Variants in TBXAS1 observed in about 807,000 individuals in gnomAD.
TBXAS1 encodes thromboxane A synthase 1.
A neutral mutation model predicts 60.7 loss-of-function variants in TBXAS1; 48 were observed. The ratio of observed to expected loss-of-function variants is 0.79; its 90% CI spans 0.63 to 1.01. The LOEUF (loss-of-function observed/expected upper bound fraction) is 1.01, where lower values mean the gene tolerates loss of function less well. TBXAS1 is among the 50% of genes least tolerant of loss of function. TBXAS1 has a pLI of 0.00. For missense variants in TBXAS1, 685 were observed against 686.3 expected, an observed-to-expected ratio of 1.00 and a Z score of 0.02; for synonymous variants, 287 against 269.7, an observed-to-expected ratio of 1.06 and a Z score of -0.63.
chr7:139,791,501 G>C (rs1797379851), intron 4 of TBXAS1, among the ~76,000 whole-genome samples: 1 of 152,166 alleles, frequency 6.6e-6, no homozygotes, highest in Non-Finnish European at 1.5e-5. Context: ...AAGGCAGGCT[G>C]GGAAATGATC....
At chr7:139,888,745 A>G (rs1384516565) in intron 3 of TBXAS1, among the ~76,000 whole-genome samples, 1 of 152,166 alleles carries the variant, frequency 6.6e-6, no homozygotes, top group Admixed American at 6.5e-5. Context: ...CTGAGATAGA[A>G]AGAAGAAGAG....
chr7:139,786,257 T>C (rs1404879078), intron 3 of TBXAS1, among the ~76,000 whole-genome samples: 1 of 151,830 alleles, frequency 6.6e-6, no homozygotes, highest in Non-Finnish European at 1.5e-5. Context: ...GTAGAAATTA[T>C]TCATGTGAAG....
intron 3 of TBXAS1, among the ~76,000 whole-genome samples, chr7:139,899,828 G>A (rs151226717): frequency 2.6e-3 from 390 of 152,210 alleles, no homozygotes; most frequent in Non-Finnish European, 4.5e-3. Flanking sequence ...GCACTGGAGC[G>A]GGTTCAAAGA....
chr7:139,818,946 C>T (rs1004610131), intron 4 of TBXAS1, among the ~76,000 whole-genome samples: 1 of 152,214 alleles, frequency 6.6e-6, no homozygotes, highest in Non-Finnish European at 1.5e-5. Flanking sequence ...AGGCTAGTCC[C>T]TCTCCATCCC....
At chr7:139,973,392 C>T (rs978215143) in intron 9 of TBXAS1, among the ~76,000 whole-genome samples, 10 of 152,166 alleles carry the variant, frequency 6.6e-5, no homozygotes, top group African/African-American at 2.4e-4. Flanking sequence ...CGCTGGGCAT[C>T]TCAGAGCCGA....
chr7:139,779,781 G>A (rs1464111368), intron 1 of TBXAS1, among the ~76,000 whole-genome samples: 1 of 152,188 alleles, frequency 6.6e-6, no homozygotes, highest in Non-Finnish European at 1.5e-5. Context: ...TTTCATCAAG[G>A]CAGGCGAGTC....
chr7:139,886,226 T>C (rs1351757865), intron 3 of TBXAS1, among the ~76,000 whole-genome samples: 1 of 152,058 alleles, frequency 6.6e-6, no homozygotes, highest in African/African-American at 2.4e-5. Context: ...CTCTCCTCCA[T>C]CTCACCCTCA....
At chr7:139,951,647 C>T (rs1936852665) in intron 5 of TBXAS1, among the ~76,000 whole-genome samples, 1 of 144,576 alleles carries the variant, frequency 6.9e-6, no homozygotes, top group Non-Finnish European at 1.5e-5. Flanking sequence ...GTGGCACACA[C>T]CTGTAATCCC....
At chr7:140,017,540 G>C in intron 11 of TBXAS1, 131 bp from the exon 12 acceptor site, 1 of 1,224,728 alleles carries the variant, frequency 8.2e-7, no homozygotes, top group South Asian at 1.4e-5. Context: ...GCTCAGGAAT[G>C]AGCAGCCATC....
intron 9 of TBXAS1, among the ~76,000 whole-genome samples, chr7:139,978,426 C>T (rs1265768491): frequency 6.6e-6 from 1 of 151,510 alleles, no homozygotes; most frequent in Non-Finnish European, 1.5e-5. Context: ...AGGAGAATTG[C>T]TTGAAACCAG....
At chr7:139,873,337 T>G (rs1313434770) in intron 2 of TBXAS1, among the ~76,000 whole-genome samples, 1 of 152,072 alleles carries the variant, frequency 6.6e-6, no homozygotes, top group African/African-American at 2.4e-5. Flanking sequence ...GTGTTAACAT[T>G]TTTGAGGACA....
At chr7:139,965,430 CATTTT>C (rs1299827303) in intron 9 of TBXAS1, among the ~76,000 whole-genome samples, 5 of 152,110 alleles carry the variant, frequency 3.3e-5, no homozygotes, top group South Asian at 2.1e-4. Context: ...CAGGAACCCG[CATTTT>C]ATTTTATTTT....
intron 3 of TBXAS1, among the ~76,000 whole-genome samples, chr7:139,784,772 A>G (rs189479218): frequency 3.6e-4 from 55 of 152,328 alleles, no homozygotes; most frequent in Admixed American, 2.7e-3. Context: ...TAAAGTACCT[A>G]TGAGATATTC....
At chr7:140,014,506 G>A (rs1209123997) in intron 10 of TBXAS1, among the ~76,000 whole-genome samples, 2 of 152,160 alleles carry the variant, frequency 1.3e-5, no homozygotes, top group Admixed American at 6.5e-5. Flanking sequence ...GAGGCTGGTG[G>A]ATGCAGAAGA....
chr7:139,957,532 C>G, intron 7 of TBXAS1, 102 bp from the exon 8 acceptor site: 1 of 1,549,866 alleles, frequency 6.5e-7, no homozygotes, highest in South Asian at 1.1e-5. Flanking sequence ...TCCAAAACGG[C>G]TCCGATTCCA....
chr7:139,786,262 G>A (rs1348585748), intron 3 of TBXAS1, among the ~76,000 whole-genome samples: 1 of 151,756 alleles, frequency 6.6e-6, no homozygotes, highest in African/African-American at 2.4e-5. Context: ...AATTATTCAT[G>A]TGAAGGAAGG....
intron 10 of TBXAS1, among the ~76,000 whole-genome samples, chr7:140,014,876 T>C (rs1814893877): frequency 7.0e-6 from 1 of 143,616 alleles, no homozygotes; most frequent in African/African-American, 2.7e-5. Context: ...ATTGTGCCAC[T>C]CCAGCCTGGG....
At chr7:139,978,009 T>C (rs1172716144) in intron 9 of TBXAS1, among the ~76,000 whole-genome samples, 1 of 152,152 alleles carries the variant, frequency 6.6e-6, no homozygotes, top group East Asian at 1.9e-4. Flanking sequence ...CTTGATTCAC[T>C]GTGGGTCACT....
intron 4 of TBXAS1, among the ~76,000 whole-genome samples, chr7:139,816,313 G>A (rs1242439406): frequency 6.6e-6 from 1 of 152,016 alleles, no homozygotes; most frequent in Non-Finnish European, 1.5e-5. Flanking sequence ...GGGAAGTCAG[G>A]GTCTCTCCTG....
Sources: gnomAD v4.1 joint callset for allele counts (sites outside exome capture counted in the v4.1 genomes callset) on GRCh38, gnomAD v4.1.1 for gene constraint, MANE v1.5 for transcripts, NCBI Gene and HGNC (gene_info 2026-07-23, HGNC 2026-07-21) for gene names.